The following USP50 variants were observed in gnomAD, a reference collection of about 807,000 sequenced individuals.
The protein encoded by USP50 is ubiquitin specific peptidase 50.
A neutral mutation model predicts 39.2 loss-of-function variants in USP50; 37 were observed. The ratio of observed to expected loss-of-function variants is 0.94; its 90% CI spans 0.73 to 1.24. The LOEUF (loss-of-function observed/expected upper bound fraction) is 1.24. USP50 is among the 50% of genes most tolerant of loss of function. The pLI, the probability that USP50 is intolerant of heterozygous loss-of-function variation, is 0.00. For synonymous variants in USP50, 139 were observed against 144.5 expected (o/e 0.96, Z 0.27); for missense variants, 374 against 398.2 (o/e 0.94, Z 0.52).
chr15:50,527,109 G>C (rs1274347591), intron 6 of USP50, among the ~76,000 whole-genome samples: 1 of 152,206 alleles, frequency 6.6e-6, no homozygotes, highest in East Asian at 1.9e-4. Flanking sequence ...GTCTACAGAT[G>C]TATGCTTCTT....
chr15:50,540,924 T>C, intron 4 of USP50, 125 bp downstream of exon 4: 1 of 758,952 alleles, frequency 1.3e-6, no homozygotes. Context: ...GCACTCAGTC[T>C]ATTTTTTTTT....
chr15:50,496,829 G>T (rs1228207929), downstream of USP50: 2 of 308,588 alleles, frequency 6.5e-6, no homozygotes, highest in Non-Finnish European at 5.9e-6. Context: ...CTCCAACAGG[G>T]TTTCTCTGAT....
chr15:50,537,906 GAGGGA>G (rs1207629105), intron 5 of USP50, among the ~76,000 whole-genome samples: 19 of 7,892 alleles, frequency 2.4e-3, no homozygotes, highest in African/African-American at 3.5e-3. Flanking sequence ...GAGGGAAGGG[GAGGGA>G]AGGGAAGGGA....
intron 6 of USP50, chr15:50,512,910 A>G (rs957580263): frequency 9.2e-5 from 14 of 152,228 alleles, no homozygotes; most frequent in African/African-American, 3.4e-4. Flanking sequence ...CAAAAAGATC[A>G]TGTACAACAA....
At chr15:50,506,469 G>A (rs1045915796) in intron 6 of USP50, 1 of 151,968 alleles carries the variant, frequency 6.6e-6, no homozygotes, top group Admixed American at 6.6e-5. Context: ...CCCCATCCAT[G>A]GGAAAAAAAC....
intron 6 of USP50, among the ~76,000 whole-genome samples, chr15:50,516,742 G>T (rs1310692994): frequency 1.8e-5 from 1 of 54,060 alleles, no homozygotes; most frequent in Admixed American, 2.8e-4. Context: ...GAAAGCTAGA[G>T]TGGTAGCTAT....
intron 6 of USP50, among the ~76,000 whole-genome samples, chr15:50,516,861 A>C (rs1362165362): frequency 6.6e-6 from 1 of 152,134 alleles, no homozygotes; most frequent in African/African-American, 2.4e-5. Context: ...TCAATTCATC[A>C]AGGGGATATA....
At chr15:50,501,803 AC>A (rs1380931691) in intron 6 of USP50, 26 of 152,198 alleles carry the variant, frequency 1.7e-4, no homozygotes, top group Admixed American at 1.3e-4. Flanking sequence ...TTTTTGTAAG[AC>A]CCATGCATTA....
rs1555392675 is a variant in USP50 at position 50,495,482 on chromosome 15, T to TGG, written n.185-1353_185-1352insCC. ...TAGCTTTTTCTTTTTTTAGTAGAGA[T>TGG]TGGAGGGGGGGGTCTCACTATGTTG... On this transcript the variant is annotated intron_variant and non_coding_transcript_variant, in intron 1 of 1. Transcript: ENST00000560159. 2.0e-3 allele frequency among the ~76,000 whole-genome samples: 211 copies of TGG among 104,866 alleles called. 2 individuals carry two copies. Among genetic ancestry groups the TGG allele is most frequent in the African/African-American group, 4.9e-3 (153 of 31,460 alleles). 68.8% of individuals were successfully genotyped at this position (104,866 alleles called of 152,430 possible).
chr15:50,543,040 T>A (rs74014323), intron 3 of USP50, among the ~76,000 whole-genome samples: 1 of 152,326 alleles, frequency 6.6e-6, no homozygotes, highest in African/African-American at 2.4e-5. Context: ...GATGATTTCA[T>A]GTTTAATGAA....
At chr15:50,497,008 A>G (rs987868937), downstream of USP50, 8 of 1,508,850 alleles carry the variant, frequency 5.3e-6, no homozygotes, top group South Asian at 1.1e-4. Context: ...GTGCCTGCAG[A>G]GTGACTAACT....
At chr15:50,498,770 A>C (rs2052510053), downstream of USP50, 1 of 1,570,012 alleles carries the variant, frequency 6.4e-7, no homozygotes, top group African/African-American at 1.4e-5. Context: ...TTTCAAAGCA[A>C]GTTTAAAAAA....
At chr15:50,501,653 T>TATC (rs2052590737) in intron 6 of USP50, 1 of 152,104 alleles carries the variant, frequency 6.6e-6, no homozygotes. Flanking sequence ...AAAAATAATG[T>TATC]ATCTCATTTT....
At chr15:50,530,914 T>C (rs1323679071) in intron 5 of USP50, among the ~76,000 whole-genome samples, 1 of 152,276 alleles carries the variant, frequency 6.6e-6, no homozygotes, top group East Asian at 1.9e-4. Context: ...GTCTTGGCAA[T>C]GTCCTGTTTT....
chr15:50,528,437 T>C (rs2052916015), intron 6 of USP50, among the ~76,000 whole-genome samples: 2 of 152,160 alleles, frequency 1.3e-5, no homozygotes, highest in African/African-American at 4.8e-5. Context: ...AGGGAGCCAC[T>C]GAGCTCAGCA....
intron 1 of USP50, among the ~76,000 whole-genome samples, chr15:50,545,556 A>G (rs1325039186): frequency 6.6e-6 from 1 of 151,182 alleles, no homozygotes; most frequent in Non-Finnish European, 1.5e-5. Flanking sequence ...TATGTGATAT[A>G]TATGTATATA....
At chr15:50,523,783 C>T (rs190226535) in intron 6 of USP50, among the ~76,000 whole-genome samples, 1 of 152,132 alleles carries the variant, frequency 6.6e-6, no homozygotes, top group East Asian at 1.9e-4. Context: ...GAAAAAAATC[C>T]TTAAATTTAT....
chr15:50,500,937 A>G, intron 6 of USP50, 100 bp from the exon 7 acceptor site: 1 of 990,778 alleles, frequency 1.0e-6, no homozygotes, highest in East Asian at 2.7e-5. Context: ...ATTGTCCCTT[A>G]TTCTAAATTA....
At chr15:50,507,561 G>C (rs541875051) in intron 6 of USP50, 1 of 152,076 alleles carries the variant, frequency 6.6e-6, no homozygotes, top group East Asian at 1.9e-4. Flanking sequence ...CACCCAAATT[G>C]TATAATTTGA....
Sources: gnomAD v4.1 joint callset for allele counts (sites outside exome capture counted in the v4.1 genomes callset) on GRCh38, gnomAD v4.1.1 for gene constraint, MANE v1.5 for transcripts, NCBI Gene and HGNC (gene_info 2026-07-23, HGNC 2026-07-21) for gene names.